Variants in SS18L1 observed in about 807,000 individuals in gnomAD.
SS18L1 encodes calcium-responsive transactivator.
SS18L1 carries 32 observed loss-of-function variants against 70.3 expected under a neutral mutation model. That is an observed-to-expected ratio of 0.46 (90% CI 0.34 to 0.61). SS18L1 has a LOEUF of 0.61. SS18L1 is among the 20% of genes least tolerant of loss of function. SS18L1 has a pLI of 0.01. For missense variants in SS18L1, 430 were observed against 542.1 expected (o/e 0.79, Z 2.05); for synonymous variants, 237 against 229.7 (o/e 1.03, Z -0.29).
At chr20:62,170,103 CCTT>C (rs1363613698) in intron 8 of SS18L1, among the ~76,000 whole-genome samples, 4 of 152,174 alleles carry the variant, frequency 2.6e-5, no homozygotes, top group Admixed American at 6.5e-5. Context: ...ACATCTTGCT[CCTT>C]CTGAGGAAGC....
intron 1 of SS18L1, among the ~76,000 whole-genome samples, 193 bp downstream of exon 1, chr20:62,144,082 T>TG (rs1305014096): frequency 6.7e-6 from 1 of 148,732 alleles, no homozygotes; most frequent in South Asian, 2.1e-4. Context: ...CCCGGCCGTG[T>TG]GGGGGGCGGT....
At chr20:62,169,071 G>A (rs1020415268) in intron 8 of SS18L1, among the ~76,000 whole-genome samples, 1 of 152,156 alleles carries the variant, frequency 6.6e-6, no homozygotes, top group African/African-American at 2.4e-5. Flanking sequence ...GGTGGGGGAG[G>A]GGCCAGGAGA....
intron 10 of SS18L1, chr20:62,175,431 G>GAGAAT: frequency 4.1e-6 from 4 of 985,376 alleles, no homozygotes; most frequent in Non-Finnish European, 4.8e-6. Flanking sequence ...CCTCCTAGAG[G>GAGAAT]AGAATGAGCC....
At chr20:62,164,677 T>C (rs922321588) in intron 7 of SS18L1, among the ~76,000 whole-genome samples, 14 of 152,200 alleles carry the variant, frequency 9.2e-5, no homozygotes, top group South Asian at 6.2e-4. Context: ...CTGCAGAGTA[T>C]TTTACCGTCG....
intron 1 of SS18L1, among the ~76,000 whole-genome samples, chr20:62,156,151 C>T (rs1297382848): frequency 6.6e-6 from 1 of 152,206 alleles, no homozygotes; most frequent in Non-Finnish European, 1.5e-5. Flanking sequence ...CTTGCGCCCC[C>T]CGGCCCATCC....
chr20:62,151,200 A>AC (rs1181409776), intron 1 of SS18L1, among the ~76,000 whole-genome samples: 14 of 151,686 alleles, frequency 9.2e-5, no homozygotes, highest in Non-Finnish European at 1.9e-4. Flanking sequence ...GGGCTCTGGG[A>AC]CCCCAGTTCT....
intron 1 of SS18L1, among the ~76,000 whole-genome samples, chr20:62,144,515 G>A (rs1407722942): frequency 4.6e-5 from 7 of 152,206 alleles, no homozygotes; most frequent in Admixed American, 1.3e-4. Flanking sequence ...ACGCAGCCCG[G>A]CCCCGTAGGG....
At chr20:62,147,284 G>A (rs544500056) in intron 1 of SS18L1, among the ~76,000 whole-genome samples, 4 of 152,294 alleles carry the variant, frequency 2.6e-5, no homozygotes, top group African/African-American at 9.6e-5. Context: ...ACTGCTCTGT[G>A]GCAAGCACCA....
rs1302631492 is a variant in SS18L1 at position 62,163,558 on chromosome 20, G to C, written c.657G>C (p.Gln219His). The change falls in exon 6 of 11, where the codon CAG becomes CAC. Residue 219 changes from glutamine (Q) to histidine (H), a missense_variant. Gln to His is a conservative substitution (Grantham distance 24). Transcript: ENST00000331758. ...QGQSSIAMMG[Q>H]GSQGSSMMGQ... Reference sequence around the variant, plus strand: ...AGTCGTCCATCGCCATGATGGGGCAGGGCAGCCAGGGGAGCAGCATGATGG... The same window carrying C: ...AGTCGTCCATCGCCATGATGGGGCACGGCAGCCAGGGGAGCAGCATGATGG... The C allele has an allele frequency of 6.2e-7, 1 of 1,610,530 alleles. No individual in the cohort carries two copies. The highest frequency in any genetic ancestry group is 1.7e-5 in the Admixed American group (1 of 59,956).
chr20:62,172,532 T>C (rs911961111), intron 8 of SS18L1, 150 bp from the exon 9 acceptor site: 5 of 1,094,504 alleles, frequency 4.6e-6, no homozygotes, highest in African/African-American at 3.1e-5. Context: ...AGGTGTAGTA[T>C]AGTATTTGAA....
At chr20:62,171,208 T>C (rs1210363272) in intron 8 of SS18L1, among the ~76,000 whole-genome samples, 1 of 152,102 alleles carries the variant, frequency 6.6e-6, no homozygotes, top group Non-Finnish European at 1.5e-5. Context: ...GGCCACAAAC[T>C]GGCTCCTTTA....
intron 1 of SS18L1, among the ~76,000 whole-genome samples, chr20:62,156,247 C>T (rs2057221332): frequency 6.6e-6 from 1 of 152,166 alleles, no homozygotes; most frequent in African/African-American, 2.4e-5. Context: ...GGTTAGGAGT[C>T]AAGGAGGGGA....
chr20:62,154,372 C>T, intron 1 of SS18L1: 1 of 1,050,142 alleles, frequency 9.5e-7, no homozygotes, highest in Middle Eastern at 4.3e-4. Flanking sequence ...GCGTCCATTC[C>T]CCCTTCACGC....
chr20:62,157,512 G>C (rs1178106137), intron 1 of SS18L1, among the ~76,000 whole-genome samples: 3 of 152,226 alleles, frequency 2.0e-5, no homozygotes, highest in Non-Finnish European at 4.4e-5. Context: ...TTGGCGGAGT[G>C]TATGCCTGGC....
chr20:62,178,141 CTTTTT>C (rs61157167), intron 10 of SS18L1, among the ~76,000 whole-genome samples: 2 of 97,828 alleles, frequency 2.0e-5, no homozygotes, highest in African/African-American at 4.7e-5. Flanking sequence ...GTGGCTTATT[CTTTTT>C]TTTTTTTTTT....
intron 8 of SS18L1, among the ~76,000 whole-genome samples, chr20:62,169,549 C>T (rs980634987): frequency 2.6e-5 from 4 of 152,084 alleles, no homozygotes; most frequent in Admixed American, 1.3e-4. Context: ...GAGGCTGAGG[C>T]GGGTGGATCA....
At chr20:62,160,261 G>GTGGGGAGAGGTGGGA (rs1181584892) in intron 3 of SS18L1, among the ~76,000 whole-genome samples, 1 of 116,242 alleles carries the variant, frequency 8.6e-6, no homozygotes, top group Non-Finnish European at 1.7e-5. Context: ...CGGGTCGGGG[G>GTGGGGAGAGGTGGGA]TGGGGAGAGG....
At position 62,161,484 on chromosome 20, in the gene SS18L1, G is replaced by T. The variant is rs750468845; in HGVS notation, c.280G>T (p.Gly94Cys). The T allele has an allele frequency of 8.7e-6, 14 of 1,612,824 alleles. No homozygotes were observed. Among genetic ancestry groups the T allele is most frequent in the Admixed American group, 5.0e-5 (3 of 60,014 alleles). Residue 94 changes from glycine to cysteine, a missense_variant, in exon 4 of 11, where the codon GGC (glycine) becomes TGC (cysteine). Physicochemically the swap from Gly to Cys is radical, Grantham distance 159 (BLOSUM62 -3). Coordinates refer to ENST00000331758, the MANE Select transcript of SS18L1 (RefSeq NM_198935.3). This position sits in a 1 kb window ranked among gnomAD's most constrained non-coding sequence, Gnocchi z 4.4. Reference sequence around the variant, plus strand: ...GGGCCCTGGAGCCCTGACTCAGAGCGGCTCCAGCCAGGGCCTGCACTCTCA... The same window carrying T: ...GGGCCCTGGAGCCCTGACTCAGAGCTGCTCCAGCCAGGGCCTGCACTCTCA... ...NLGPGALTQS[G>C]SSQGLHSQGS...
At chr20:62,163,350 G>A in intron 5 of SS18L1, 108 bp from the exon 6 acceptor site, 2 of 1,492,970 alleles carry the variant, frequency 1.3e-6, no homozygotes, top group South Asian at 2.4e-5. Flanking sequence ...CTCGTGGGGA[G>A]CACAGGAAAA....
Sources: allele counts gnomAD v4.1 joint callset (sites outside exome capture counted in the v4.1 genomes callset), GRCh38; gene constraint gnomAD v4.1.1; non-coding constraint Gnocchi (gnomAD v3.1); transcripts MANE v1.5; gene names NCBI Gene and HGNC (gene_info 2026-07-23, HGNC 2026-07-21).